PDGFRA: variants seen among roughly 807,000 people sequenced by gnomAD.
PDGFRA encodes platelet derived growth factor receptor alpha.
PDGFRA carries 25 observed loss-of-function variants against 121.5 expected under a neutral mutation model. That is an observed-to-expected ratio of 0.21 (90% CI 0.15 to 0.29). The LOEUF (loss-of-function observed/expected upper bound fraction) is 0.29. PDGFRA is among the 10% of genes least tolerant of loss of function. The pLI is 1.00. For missense variants in PDGFRA, 1,008 were observed against 1,345.1 expected, an observed-to-expected ratio of 0.75 and a Z score of 3.92; for synonymous variants, 463 against 494.8, an observed-to-expected ratio of 0.94 and a Z score of 0.85.
chr4:54,240,288 G>C (rs182027716), intron 1 of PDGFRA, among the ~76,000 whole-genome samples: 8 of 152,196 alleles, frequency 5.3e-5, no homozygotes. Flanking sequence ...GAGTTCTCCC[G>C]TTGTGTTGAC....
At chr4:54,292,094 G>C (rs913609399) in intron 22 of PDGFRA, among the ~76,000 whole-genome samples, 1 of 152,178 alleles carries the variant, frequency 6.6e-6, no homozygotes, top group Non-Finnish European at 1.5e-5. Context: ...TTCAACCATT[G>C]TGGAAGACAG....
intron 1 of PDGFRA, among the ~76,000 whole-genome samples, chr4:54,258,276 G>T (rs533277317): frequency 5.3e-5 from 8 of 152,180 alleles, no homozygotes; most frequent in East Asian, 1.9e-4. Context: ...TATCACAAAG[G>T]CCTCCTGTAA....
intron 1 of PDGFRA, among the ~76,000 whole-genome samples, chr4:54,245,542 C>A (rs1366374877): frequency 1.3e-5 from 2 of 152,158 alleles, no homozygotes; most frequent in Non-Finnish European, 2.9e-5. Flanking sequence ...CAGGCCTGCC[C>A]TAAAAGAGCT....
At chr4:54,264,783 C>T in intron 4 of PDGFRA, 136 bp from the exon 5 acceptor site, 7 of 785,666 alleles carry the variant, frequency 8.9e-6, no homozygotes, top group South Asian at 1.6e-5. Flanking sequence ...TGAGATTTTC[C>T]AAATTTTATC....
At position 54,247,750 on chromosome 4, in the gene PDGFRA, A is replaced by C. The variant is rs1275240876; in HGVS notation, c.-12-11007A>C. ...AATTAGGCAGGAGAAGGAAATAAAG[A>C]GTATTCAGTTAGGAAAAGAGGAAGT... is the stretch of plus-strand genomic sequence containing the variant. On this transcript the variant is annotated intron_variant, in intron 1 of 22. Transcript: ENST00000257290. Among the ~76,000 whole-genome samples, 3 of 152,120 alleles carry C rather than the reference A, an allele frequency of 2.0e-5. No individual in the cohort carries two copies. The East Asian group carries it at 5.8e-4, about 29-fold the overall frequency.
chr4:54,277,859 C>A (rs1175112531), intron 13 of PDGFRA, 37 bp from the exon 14 acceptor site: 2 of 1,361,444 alleles, frequency 1.5e-6, no homozygotes, highest in African/African-American at 1.4e-5. Flanking sequence ...AAGTTGGTAG[C>A]TCAGCTGGAC....
rs1422356281 is a variant in PDGFRA at position 54,297,980 on chromosome 4, C to T, written c.*2708C>T. 4.3e-6 allele frequency: 1 copy of T among 231,508 alleles called. No homozygotes were observed. Among genetic ancestry groups the T allele is most frequent in the Non-Finnish European group, 8.6e-6 (1 of 116,784 alleles). The allele number at this position is 231,508 out of a possible 1,614,324, so 14.3% of individuals were successfully genotyped here. ...TTATGACAAGCTGTATCACTGCCTT[C>T]GTTTATATTTTTTTAACTGTGATAA... On this transcript the variant is annotated 3_prime_UTR_variant, in exon 23 of 23. Transcript: ENST00000257290.
chr4:54,247,337 A>C (rs755417426), intron 1 of PDGFRA, among the ~76,000 whole-genome samples: 27 of 152,152 alleles, frequency 1.8e-4, no homozygotes, highest in East Asian at 3.9e-4. Flanking sequence ...ACTGGCAAAC[A>C]GAATCCAGCA....
chr4:54,242,552 T>C (rs929263334), intron 1 of PDGFRA, among the ~76,000 whole-genome samples: 1 of 152,112 alleles, frequency 6.6e-6, no homozygotes, highest in Non-Finnish European at 1.5e-5. Context: ...TATATATATA[T>C]ACACACACAT....
intron 1 of PDGFRA, among the ~76,000 whole-genome samples, chr4:54,249,949 C>G (rs576177185): frequency 3.3e-5 from 5 of 152,148 alleles, no homozygotes; most frequent in African/African-American, 1.2e-4. Context: ...TTATGAGAAT[C>G]TTACCTTATG....
At chr4:54,279,644 G>A (rs896679341) in intron 15 of PDGFRA, among the ~76,000 whole-genome samples, 11 of 151,844 alleles carry the variant, frequency 7.2e-5, no homozygotes, top group Non-Finnish European at 1.2e-4. Context: ...AGATTTTGGT[G>A]CACCCATCAC....
rs1722174301 is a variant in PDGFRA, at chr4:54,253,423, C to T, written c.-12-5334C>T. 2.6e-5 allele frequency among the ~76,000 whole-genome samples: 4 copies of T among 152,248 alleles called. No homozygotes were observed. In the South Asian group the frequency reaches 6.2e-4, roughly 24 times the overall value. ...TCAGTGGCTAGTCCAATGTGATTTC[C>T]ATCCTTTCTTCTGAGAGAAAGCATA... On this transcript the variant is annotated intron_variant, in intron 1 of 22. Coordinates refer to ENST00000257290, the MANE Select transcript of PDGFRA (RefSeq NM_006206.6).
chr4:54,248,610 A>G (rs1484943027), intron 1 of PDGFRA, among the ~76,000 whole-genome samples: 2 of 152,158 alleles, frequency 1.3e-5, no homozygotes, highest in Non-Finnish European at 2.9e-5. Context: ...AACCATAAAA[A>G]CCCTAGAAGA....
intron 1 of PDGFRA, among the ~76,000 whole-genome samples, chr4:54,239,127 A>G (rs1002745939): frequency 6.6e-6 from 1 of 152,226 alleles, no homozygotes; most frequent in Non-Finnish European, 1.5e-5. Flanking sequence ...AGCATGTTAA[A>G]AGACACTCCC....
Position 54,265,009 on chromosome 4 carries a change from A to G in PDGFRA, c.719A>G (p.Asn240Ser), listed in dbSNP as rs749141162. 5.0e-6 allele frequency: 8 copies of G among 1,613,816 alleles called. No homozygotes were observed. The East Asian group carries it at 6.7e-5, about 13-fold the overall frequency. ...TIVVTCAVFN[N>S]EVVDLQWTYP... is the part of the protein sequence containing the mutation. ...GTGGTCACCTGTGCTGTTTTTAACAATGAGGTGGTTGACCTTCAATGGACT... is the reference window on the plus strand; with the variant it reads ...GTGGTCACCTGTGCTGTTTTTAACAGTGAGGTGGTTGACCTTCAATGGACT... Residue 240 changes from asparagine to serine, a missense_variant, in exon 5 of 23, where the codon AAT becomes AGT. This residue lies in a region of PDGFRA where 575 missense variants were observed against 701.8 expected (regional missense o/e 0.82). Transcript: ENST00000257290.
chr4:54,277,417 A>C lies in PDGFRA; in HGVS notation c.1816A>C (p.Lys606Gln). 6.2e-7 allele frequency: 1 copy of C among 1,613,944 alleles called. No individual in the cohort carries two copies. Among genetic ancestry groups the C allele is most frequent in the Non-Finnish European group, 8.5e-7 (1 of 1,179,910 alleles). ...GGTCTTGGGGTCTGGAGCGTTTGGG[A>C]AGGTGGTTGAAGGAACAGCCTATGG... ...GRVLGSGAFG[K>Q]VVEGTAYGLS... The change falls in exon 13 of 23, where the codon AAG becomes CAG. Residue 606 changes from lysine to glutamine, a missense_variant. Transcript: ENST00000257290.
At chr4:54,264,555 C>A in intron 4 of PDGFRA, 1 of 291,234 alleles carries the variant, frequency 3.4e-6, no homozygotes, top group Non-Finnish European at 6.5e-6. Context: ...TGGATAGAAA[C>A]AAAGTGTCTA....
intron 4 of PDGFRA, chr4:54,264,625 A>T: frequency 5.5e-6 from 2 of 361,088 alleles, no homozygotes; most frequent in Non-Finnish European, 1.0e-5. Context: ...AGTCAAGGAG[A>T]TTGTGGACGA....
At chr4:54,256,603 G>T (rs1319041146) in intron 1 of PDGFRA, among the ~76,000 whole-genome samples, 4 of 151,194 alleles carry the variant, frequency 2.6e-5, no homozygotes, top group African/African-American at 9.8e-5. Flanking sequence ...GGAGTGCAAT[G>T]GTGCGATCTC....
Sources: allele counts gnomAD v4.1 joint callset (sites outside exome capture counted in the v4.1 genomes callset), GRCh38; gene constraint gnomAD v4.1.1; regional missense constraint gnomAD v4.1.1; transcripts MANE v1.5; gene names NCBI Gene and HGNC (gene_info 2026-07-23, HGNC 2026-07-21).